Variants in ITPR2 observed in about 807,000 individuals in gnomAD.
ITPR2 encodes the protein inositol 1,4,5-trisphosphate receptor type 2, also known as inositol 1,4,5-trisphosphate-gated calcium channel ITPR2.
ITPR2 carries 207 observed loss-of-function variants against 317.1 expected under a neutral mutation model. The ratio of observed to expected loss-of-function variants is 0.65; its 90% CI spans 0.58 to 0.73. The LOEUF (loss-of-function observed/expected upper bound fraction) is 0.73. ITPR2 is among the 30% of genes least tolerant of loss of function. ITPR2 has a pLI of 0.00. For missense variants in ITPR2, 2,613 were observed against 3,284.0 expected (o/e 0.80, Z 4.99); for synonymous variants, 1,156 against 1,149.1 (o/e 1.01, Z -0.12).
chr12:26,815,261 G>C (rs1950831436), intron 1 of ITPR2, among the ~76,000 whole-genome samples: 1 of 152,150 alleles, frequency 6.6e-6, no homozygotes, highest in Non-Finnish European at 1.5e-5. Flanking sequence ...GAACCTGGGA[G>C]GCAGAAGTTT....
At chr12:26,661,269 T>TGGGG (rs1332276817) in intron 15 of ITPR2, among the ~76,000 whole-genome samples, 3 of 6,750 alleles carry the variant, frequency 4.4e-4, no homozygotes, top group African/African-American at 1.6e-3. Context: ...GGTAGGGGTG[T>TGGGG]GTGTGTGGGG....
chr12:26,582,347 T>C (rs559865973), intron 32 of ITPR2, among the ~76,000 whole-genome samples: 1 of 152,320 alleles, frequency 6.6e-6, no homozygotes, highest in Non-Finnish European at 1.5e-5. Context: ...TAAAATTACA[T>C]CATATCAAAT....
rs556203837 is a variant in ITPR2 at position 26,442,208 on chromosome 12, G to A, written c.6450+1335C>T. 2.5e-4 allele frequency among the ~76,000 whole-genome samples: 38 copies of A among 152,058 alleles called. No homozygotes were observed. The South Asian group carries it at 4.4e-3, about 17-fold the overall frequency. On this transcript the variant is annotated intron_variant, in intron 46 of 56. Transcript: ENST00000381340. ...AATCCCCATCCTGAAGGAGAAACTC[G>A]TACTCAATCTTTAATACATTCTTAA...
At chr12:26,361,937 G>A (rs1381471591) in intron 55 of ITPR2, among the ~76,000 whole-genome samples, 1 of 152,210 alleles carries the variant, frequency 6.6e-6, no homozygotes, top group Non-Finnish European at 1.5e-5. Flanking sequence ...AATGTATGGT[G>A]TAAATTTTCT....
At chr12:26,715,967 T>G in intron 6 of ITPR2, 132 bp from the exon 7 acceptor site, 1 of 744,682 alleles carries the variant, frequency 1.3e-6, no homozygotes, top group East Asian at 2.6e-5. Flanking sequence ...TACAAGTATC[T>G]TTGAGAGACC....
At chr12:26,394,492 C>G (rs1442848808) in intron 54 of ITPR2, among the ~76,000 whole-genome samples, 3 of 152,012 alleles carry the variant, frequency 2.0e-5, no homozygotes, top group African/African-American at 7.2e-5. Context: ...AAATTGTTCT[C>G]CCACAACTAA....
At chr12:26,656,689 T>C (rs948923701) in intron 18 of ITPR2, 141 bp from the exon 19 acceptor site, 3 of 812,904 alleles carry the variant, frequency 3.7e-6, no homozygotes, top group South Asian at 1.8e-5. Context: ...GACTGTAGTA[T>C]GTTAACCATT....
At chr12:26,561,648 G>A (rs1944821695) in intron 35 of ITPR2, 114 bp downstream of exon 35, 22 of 825,970 alleles carry the variant, frequency 2.7e-5, no homozygotes, top group Non-Finnish European at 3.6e-5. Context: ...TGTAAAGCAA[G>A]GCCTGGTCCC....
rs530502581 is a variant in ITPR2 at position 26,670,091 on chromosome 12, G to C, written c.1410-4040C>G. The stretch of plus-strand genomic sequence containing the variant: ...CACCACAGCTCAAGGAGGCCTGCCT[G>C]CCTCTGTAGGCTCCACCTCTGGGGG... On this transcript the variant is annotated intron_variant, in intron 13 of 56. Transcript: ENST00000381340. 2.9e-3 allele frequency among the ~76,000 whole-genome samples: 449 copies of C among 152,358 alleles called. 2 individuals carry two copies. Among genetic ancestry groups the C allele is most frequent in the African/African-American group, 0.01 (430 of 41,578 alleles).
chr12:26,787,636 A>C (rs1950277945), intron 2 of ITPR2, among the ~76,000 whole-genome samples: 1 of 152,216 alleles, frequency 6.6e-6, no homozygotes, highest in Non-Finnish European at 1.5e-5. Flanking sequence ...ATTCTTCCTG[A>C]CCAACAGAGG....
At chr12:26,486,905 C>T (rs762553317) in intron 40 of ITPR2, 163 bp downstream of exon 40, 12 of 731,190 alleles carry the variant, frequency 1.6e-5, no homozygotes, top group East Asian at 1.3e-4. Flanking sequence ...CCTGCAGAGC[C>T]GTTTTAGGGT....
In ITPR2 at chr12:26,451,491, T is replaced by C. The variant is rs1028125486; in HGVS notation, c.6343-7841A>G. ...ATGCCACCAGCATCACTCTGCACTA[T>C]ACAAACTTCACCCAAGGAGTTCTAA... On this transcript the variant is annotated intron_variant, in intron 45 of 56. Coordinates refer to ENST00000381340, the MANE Select transcript of ITPR2 (RefSeq NM_002223.4). Among the ~76,000 whole-genome samples, 10 of 151,976 alleles carry C rather than the reference T, an allele frequency of 6.6e-5. No homozygotes were observed. In the East Asian group the frequency reaches 1.9e-3, roughly 29 times the overall value.
At chr12:26,804,788 T>C (rs1440795050) in intron 1 of ITPR2, among the ~76,000 whole-genome samples, 1 of 152,214 alleles carries the variant, frequency 6.6e-6, no homozygotes, top group Admixed American at 6.5e-5. Context: ...CAGGCTGGAA[T>C]GCAGTGCTGC....
intron 30 of ITPR2, 71 bp from the exon 31 acceptor site, chr12:26,597,205 ATATATCTG>A (rs2136729123): frequency 6.6e-7 from 1 of 1,511,758 alleles, no homozygotes. Flanking sequence ...CAAAGGCTTG[ATATATCTG>A]GAAACACGTA....
chr12:26,825,364 T>C (rs1451322069), intron 1 of ITPR2, among the ~76,000 whole-genome samples: 1 of 152,258 alleles, frequency 6.6e-6, no homozygotes, highest in Non-Finnish European at 1.5e-5. Flanking sequence ...ACTGTTATTA[T>C]AGCATAAATC....
chr12:26,564,762 G>A (rs567844354), intron 34 of ITPR2, among the ~76,000 whole-genome samples: 56 of 152,302 alleles, frequency 3.7e-4, no homozygotes, highest in African/African-American at 1.1e-3. Flanking sequence ...GGCATGGAAC[G>A]AATTCTTCCC....
At chr12:26,359,653 G>A (rs888357851) in intron 55 of ITPR2, among the ~76,000 whole-genome samples, 12 of 152,248 alleles carry the variant, frequency 7.9e-5, no homozygotes, top group South Asian at 6.2e-4. Flanking sequence ...GAGATGGCAG[G>A]GGGTCAGGGT....
At chr12:26,632,964 C>G (rs983728556) in intron 21 of ITPR2, among the ~76,000 whole-genome samples, 7 of 152,170 alleles carry the variant, frequency 4.6e-5, no homozygotes, top group African/African-American at 1.7e-4. Flanking sequence ...AATAAGGATG[C>G]AAAAGAATGG....
At chr12:26,444,077 T>A (rs1941552246) in intron 45 of ITPR2, among the ~76,000 whole-genome samples, 1 of 152,196 alleles carries the variant, frequency 6.6e-6, no homozygotes, top group African/African-American at 2.4e-5. Flanking sequence ...TTATAGCATG[T>A]AATCTAAGCT....
Sources: allele counts gnomAD v4.1 joint callset (sites outside exome capture counted in the v4.1 genomes callset), GRCh38; gene constraint gnomAD v4.1.1; transcripts MANE v1.5; gene names NCBI Gene and HGNC (gene_info 2026-07-23, HGNC 2026-07-21).